The following FRMD4A variants were observed in gnomAD, a reference collection of about 807,000 sequenced individuals.
FRMD4A encodes FERM domain containing 4A.
Under a neutral mutation model 129.1 loss-of-function variants are expected in FRMD4A, and 29 were observed. The observed-to-expected ratio is 0.22, with a 90% confidence interval of 0.17 to 0.31. The LOEUF is 0.31. FRMD4A is among the 10% of genes least tolerant of loss of function. The pLI is 1.00. For synonymous variants in FRMD4A, 634 were observed against 571.6 expected (o/e 1.11, Z -1.56); for missense variants, 1,272 against 1,375.8 (o/e 0.92, Z 1.19).
chr10:14,019,731 G>A (rs566390047), intron 2 of FRMD4A, among the ~76,000 whole-genome samples: 1 of 152,242 alleles, frequency 6.6e-6, no homozygotes, highest in Non-Finnish European at 1.5e-5. Flanking sequence ...CAGTGATGGG[G>A]CTGATGCCTT....
chr10:14,171,732 T>TACCTCAATGCTTGCTTTA lies in FRMD4A; in HGVS notation c.45+158308_45+158325dup, dbSNP rs141966928. Among the ~76,000 whole-genome samples, 446 of 152,348 alleles carry TACCTCAATGCTTGCTTTA rather than the reference T, an allele frequency of 2.9e-3. 2 individuals carry two copies. The highest frequency in any genetic ancestry group is 8.3e-3 in the South Asian group (40 of 4,826). ...TGAAATTATTGCATGATGTCCAATT[T>TACCTCAATGCTTGCTTTA]ACCTCAATGCTTGCTTTAAACTGTC... is the stretch of plus-strand genomic sequence containing the variant. On this transcript the variant is annotated intron_variant, in intron 2 of 24. Coordinates refer to ENST00000357447, the MANE Select transcript of FRMD4A (RefSeq NM_018027.5).
Position 14,232,964 on chromosome 10 carries a change from A to G in FRMD4A, c.45+97094T>C, listed in dbSNP as rs557418820. ...TAGGTCTTCCAATAATTTTAGTTCT[A>G]CAGATAGAGTTGTAGAGTAGGAAAA... On this transcript the variant is annotated intron_variant, in intron 2 of 24. Coordinates refer to ENST00000357447, the MANE Select transcript of FRMD4A (RefSeq NM_018027.5). Among the ~76,000 whole-genome samples the G allele has an allele frequency of 2.7e-3, 416 of 152,308 alleles. 2 individuals are homozygous for G. The highest frequency in any genetic ancestry group is 5.0e-3 in the Non-Finnish European group (343 of 68,030).
chr10:14,210,497 CATACCCTGCA>C (rs1261488445), intron 2 of FRMD4A, among the ~76,000 whole-genome samples: 1 of 152,182 alleles, frequency 6.6e-6, no homozygotes, highest in East Asian at 1.9e-4. Flanking sequence ...TCCCTGAACA[CATACCCTGCA>C]ATACCCTGCC....
intron 12 of FRMD4A, among the ~76,000 whole-genome samples, chr10:13,737,206 C>T (rs1024110155): frequency 1.2e-4 from 19 of 152,224 alleles, no homozygotes; most frequent in African/African-American, 4.6e-4. Context: ...TCTCATGCCT[C>T]AGCCTCCCAA....
intron 2 of FRMD4A, among the ~76,000 whole-genome samples, chr10:13,921,191 G>T (rs957917605): frequency 6.6e-6 from 1 of 150,520 alleles, no homozygotes; most frequent in Non-Finnish European, 1.5e-5. Context: ...CCTCTCTGGG[G>T]CTTTTTAGTT....
At chr10:13,680,735 ATTTAAAAAAAAG>A (rs1355751003) in intron 15 of FRMD4A, among the ~76,000 whole-genome samples, 1 of 151,722 alleles carries the variant, frequency 6.6e-6, no homozygotes, top group Non-Finnish European at 1.5e-5. Context: ...AAAAAAAAAA[ATTTAAAAAAAAG>A]TTTAAAAAAA....
intron 2 of FRMD4A, among the ~76,000 whole-genome samples, chr10:13,992,387 T>C (rs961004781): frequency 2.6e-5 from 4 of 152,214 alleles, no homozygotes; most frequent in Non-Finnish European, 5.9e-5. Flanking sequence ...TTAGCCTGTC[T>C]GTGGGTTGGC....
At chr10:14,279,035 G>T (rs1381573008) in intron 2 of FRMD4A, among the ~76,000 whole-genome samples, 1 of 152,046 alleles carries the variant, frequency 6.6e-6, no homozygotes, top group African/African-American at 2.4e-5. Context: ...AACAGTGTTG[G>T]GGCCGTTTCA....
intron 2 of FRMD4A, chr10:14,008,476 G>A (rs1290223854): frequency 1.9e-5 from 19 of 997,738 alleles, no homozygotes; most frequent in Non-Finnish European, 2.0e-5. Context: ...TTGTGGGCAA[G>A]TGACGCGTCT....
intron 2 of FRMD4A, among the ~76,000 whole-genome samples, chr10:13,919,620 T>C (rs1457605464): frequency 6.6e-6 from 1 of 152,170 alleles, no homozygotes; most frequent in African/African-American, 2.4e-5. Flanking sequence ...GGAATACTTA[T>C]TTCAAAATTC....
chr10:14,322,590 GCTT>G (rs1843104598), intron 2 of FRMD4A, among the ~76,000 whole-genome samples: 2 of 152,268 alleles, frequency 1.3e-5, no homozygotes, highest in South Asian at 4.1e-4. Flanking sequence ...TCAGGAAATT[GCTT>G]CTTCAGGTCC....
chr10:13,657,803 TA>T (rs1554826506), intron 21 of FRMD4A, among the ~76,000 whole-genome samples: 2 of 150,692 alleles, frequency 1.3e-5, no homozygotes, highest in Non-Finnish European at 3.0e-5. Flanking sequence ...TTTTTTTTTT[TA>T]AATAATTCTA....
chr10:14,173,731 G>A (rs1425232920), intron 2 of FRMD4A, among the ~76,000 whole-genome samples: 1 of 152,104 alleles, frequency 6.6e-6, no homozygotes, highest in Non-Finnish European at 1.5e-5. Flanking sequence ...AAGAGTGACT[G>A]GAAATCCTGC....
chr10:13,883,831 A>T (rs2094573663), intron 2 of FRMD4A, among the ~76,000 whole-genome samples: 4 of 152,160 alleles, frequency 2.6e-5, no homozygotes, highest in African/African-American at 9.7e-5. Context: ...AATATATCCT[A>T]GTCTTGGATG....
intron 2 of FRMD4A, among the ~76,000 whole-genome samples, chr10:14,017,985 T>C (rs1353575378): frequency 6.6e-6 from 1 of 152,076 alleles, no homozygotes; most frequent in Non-Finnish European, 1.5e-5. Flanking sequence ...GACAAATCCT[T>C]AGAGGTAGAT....
intron 2 of FRMD4A, among the ~76,000 whole-genome samples, chr10:14,162,648 T>TG (rs1012024232): frequency 1.4e-5 from 2 of 147,246 alleles, no homozygotes; most frequent in African/African-American, 5.0e-5. Context: ...TTTGTTTTTT[T>TG]TTTTTTTTTT....
intron 24 of FRMD4A, among the ~76,000 whole-genome samples, chr10:13,649,945 A>C (rs2081416452): frequency 6.6e-6 from 1 of 152,206 alleles, no homozygotes; most frequent in Non-Finnish European, 1.5e-5. Flanking sequence ...TGCTCTCTCA[A>C]CTGTGACCCA....
At chr10:13,971,651 C>CCCACCTGATAG (rs1164140067) in intron 2 of FRMD4A, 37 of 1,299,146 alleles carry the variant, frequency 2.8e-5, no homozygotes, top group Non-Finnish European at 3.8e-5. Flanking sequence ...AGCTTCTGGT[C>CCCACCTGATAG]CCACCTGATA....
chr10:14,239,366 T>G (rs761099679), intron 2 of FRMD4A, among the ~76,000 whole-genome samples: 91 of 152,122 alleles, frequency 6.0e-4, no homozygotes, highest in Non-Finnish European at 5.9e-4. Context: ...GGTGGCTCAC[T>G]CCTGTAATCC....
Sources: allele counts gnomAD v4.1 joint callset (sites outside exome capture counted in the v4.1 genomes callset), GRCh38; gene constraint gnomAD v4.1.1; transcripts MANE v1.5; gene names NCBI Gene and HGNC (gene_info 2026-07-23, HGNC 2026-07-21).